Variants in PTPRM observed in about 807,000 individuals in gnomAD.
PTPRM encodes the protein receptor-type tyrosine-protein phosphatase mu.
A neutral mutation model predicts 186.7 loss-of-function variants in PTPRM; 47 were observed. The observed-to-expected ratio is 0.25, with a 90% confidence interval of 0.20 to 0.32. PTPRM has a LOEUF of 0.32. Ranked by LOEUF, PTPRM falls within the 10% of genes least tolerant of loss-of-function variation. The probability of loss-of-function intolerance (pLI) is 1.00; values close to 1 mark genes in which losing one functional copy is unlikely to be tolerated. For synonymous variants in PTPRM, 668 were observed against 674.9 expected, an observed-to-expected ratio of 0.99 and a Z score of 0.16; for missense variants, 1,494 against 1,865.0, an observed-to-expected ratio of 0.80 and a Z score of 3.66.
At chr18:7,751,440 TC>T (rs1433459396) in intron 1 of PTPRM, 2 of 152,238 alleles carry the variant, frequency 1.3e-5, no homozygotes, top group African/African-American at 4.8e-5. Flanking sequence ...ACTGCCATAA[TC>T]TGCCTTTATT....
intron 29 of PTPRM, among the ~76,000 whole-genome samples, chr18:8,383,761 C>G (rs2095754240): frequency 6.6e-6 from 1 of 152,240 alleles, no homozygotes; most frequent in Admixed American, 6.5e-5. Flanking sequence ...ACAATGTTAT[C>G]AGTTCCAAAC....
intron 1 of PTPRM, among the ~76,000 whole-genome samples, chr18:7,707,099 A>G (rs1201261422): frequency 6.6e-6 from 1 of 152,194 alleles, no homozygotes; most frequent in Non-Finnish European, 1.5e-5. Flanking sequence ...GGTAGTTTTT[A>G]AAACCTGCCT....
chr18:8,262,056 C>T (rs558670594), intron 19 of PTPRM, among the ~76,000 whole-genome samples: 10 of 152,214 alleles, frequency 6.6e-5, no homozygotes, highest in African/African-American at 2.2e-4. Flanking sequence ...ATGCTGTCAC[C>T]GCCCACTAAC....
chr18:8,317,993 C>T (rs76338473), intron 21 of PTPRM, among the ~76,000 whole-genome samples: 2,179 of 152,270 alleles, frequency 0.014, 51 homozygotes, highest in African/African-American at 0.049. Context: ...AGACCTACAG[C>T]AAGTCAATTG....
chr18:8,166,767 C>A (rs551767818), intron 14 of PTPRM, among the ~76,000 whole-genome samples: 1 of 152,302 alleles, frequency 6.6e-6, no homozygotes, highest in East Asian at 1.9e-4. Flanking sequence ...CAAGACTGAG[C>A]AAACTAAGTT....
At chr18:8,198,701 C>T (rs189872291) in intron 14 of PTPRM, among the ~76,000 whole-genome samples, 1 of 152,188 alleles carries the variant, frequency 6.6e-6, no homozygotes, top group Admixed American at 6.5e-5. Context: ...CGGCTTTCCA[C>T]CTTACCCTTT....
In PTPRM at chr18:7,567,887, C is replaced by T; in HGVS notation, c.69C>T (p.Phe23=). The change falls in exon 1 of 33, where the codon TTC becomes TTT. Residue 23 remains phenylalanine (F), a synonymous_variant. Transcript: ENST00000580170. This position sits in a 1 kb window ranked among gnomAD's most constrained non-coding sequence, Gnocchi z 4.3. The part of the protein sequence containing the change: ...GLLLTAAGET[F]SGGCLFDEPY... ...TGCTAACTGCGGCGGGCGAGACGTT[C>T]TCAGGTAAGCGGGACCGCCTCTGCC... The T allele has an allele frequency of 6.4e-7, 1 of 1,557,826 alleles. No homozygotes were observed. Among genetic ancestry groups the T allele is most frequent in the Non-Finnish European group, 8.6e-7 (1 of 1,157,200 alleles).
chr18:8,035,636 G>T lies in PTPRM; in HGVS notation c.1133-34050G>T, dbSNP rs548091823. On this transcript the variant is annotated intron_variant, in intron 7 of 32. Transcript: ENST00000580170. ...TGAATCCGCAGATGCAGAAATTGCA[G>T]ATACGGAGGGCTGACTGTACCTATA... Among the ~76,000 whole-genome samples the T allele has an allele frequency of 2.0e-3, 311 of 152,238 alleles. 4 individuals are homozygous for T. The highest frequency in any genetic ancestry group is 7.2e-3 in the African/African-American group (297 of 41,526).
intron 7 of PTPRM, among the ~76,000 whole-genome samples, chr18:8,010,783 G>A (rs1340336569): frequency 6.6e-6 from 1 of 152,158 alleles, no homozygotes; most frequent in Non-Finnish European, 1.5e-5. Flanking sequence ...GTCAGAAGAA[G>A]AGGCAGGGAA....
intron 7 of PTPRM, among the ~76,000 whole-genome samples, chr18:7,963,886 G>A (rs977649625): frequency 2.6e-5 from 4 of 152,286 alleles, no homozygotes; most frequent in Admixed American, 1.3e-4. Flanking sequence ...AGCTGTGAGC[G>A]TGGTCCTGCA....
At chr18:8,299,084 C>T (rs2000646) in intron 20 of PTPRM, among the ~76,000 whole-genome samples, 91,919 of 151,828 alleles carry the variant, frequency 0.61, 28,450 homozygotes, top group Middle Eastern at 0.69. Flanking sequence ...TGCAGGCTCC[C>T]CACCACGTTC....
At chr18:8,086,710 T>C (rs555826270) in intron 10 of PTPRM, among the ~76,000 whole-genome samples, 1 of 152,282 alleles carries the variant, frequency 6.6e-6, no homozygotes, top group South Asian at 2.1e-4. Context: ...ATTCCTTGTT[T>C]TGTATTAATA....
At chr18:7,945,258 C>G (rs2052444141) in intron 5 of PTPRM, among the ~76,000 whole-genome samples, 1 of 150,744 alleles carries the variant, frequency 6.6e-6, no homozygotes, top group Non-Finnish European at 1.5e-5. Context: ...TTGAGACCAT[C>G]CTGGTGAACA....
chr18:8,152,369 G>A (rs912171828), intron 14 of PTPRM, among the ~76,000 whole-genome samples: 1 of 152,122 alleles, frequency 6.6e-6, no homozygotes, highest in Non-Finnish European at 1.5e-5. Context: ...TAATATTCCA[G>A]TATAGATACA....
chr18:7,894,750 A>T, intron 3 of PTPRM, among the ~76,000 whole-genome samples: 1 of 152,062 alleles, frequency 6.6e-6, no homozygotes, highest in South Asian at 2.1e-4. Context: ...TGAAGACAAG[A>T]TAATAGGATA....
rs146022407 is a variant in PTPRM at position 8,096,418 on chromosome 18, C to T, written c.1856+7567C>T. Among the ~76,000 whole-genome samples the T allele has an allele frequency of 5.1e-4, 77 of 152,288 alleles. 2 individuals are homozygous for T. The highest frequency in any genetic ancestry group is 1.7e-3 in the African/African-American group (72 of 41,578). On this transcript the variant is annotated intron_variant, in intron 11 of 32. Coordinates refer to ENST00000580170, the MANE Select transcript of PTPRM (RefSeq NM_001105244.2). The stretch of plus-strand genomic sequence containing the variant: ...GAGGCGAGAGCCAGGTTGTGTTATG[C>T]GTTCCCCTCTTATTGACCAGCTGCA...
At chr18:8,335,747 C>T (rs983597959) in intron 22 of PTPRM, among the ~76,000 whole-genome samples, 9 of 152,160 alleles carry the variant, frequency 5.9e-5, no homozygotes, top group East Asian at 1.9e-4. Flanking sequence ...TATGGCCAGG[C>T]GTGGCAGCTC....
chr18:8,380,561 G>T, intron 29 of PTPRM, 134 bp downstream of exon 29: 5 of 1,054,284 alleles, frequency 4.7e-6, no homozygotes, highest in Non-Finnish European at 6.9e-6. Flanking sequence ...GAGAACTGGG[G>T]ATGCTGAACA....
chr18:8,270,800 A>T (rs1192065541), intron 19 of PTPRM, among the ~76,000 whole-genome samples: 1 of 152,194 alleles, frequency 6.6e-6, no homozygotes, highest in South Asian at 2.1e-4. Flanking sequence ...AATCTAAAAA[A>T]GTCATAGAAA....
Sources: gnomAD v4.1 joint callset for allele counts (sites outside exome capture counted in the v4.1 genomes callset) on GRCh38, gnomAD v4.1.1 for gene constraint, Gnocchi (gnomAD v3.1) non-coding constraint, MANE v1.5 for transcripts, NCBI Gene and HGNC (gene_info 2026-07-23, HGNC 2026-07-21) for gene names.